The following INPP5D variants were observed in gnomAD, a reference collection of about 807,000 sequenced individuals.
The protein encoded by INPP5D is phosphatidylinositol 3,4,5-trisphosphate 5-phosphatase 1.
INPP5D carries 33 observed loss-of-function variants against 122.9 expected under a neutral mutation model. That is an observed-to-expected ratio of 0.27 (90% CI 0.20 to 0.36). The LOEUF (loss-of-function observed/expected upper bound fraction) is 0.36, where lower values mean the gene tolerates loss of function less well. INPP5D is among the 10% of genes least tolerant of loss of function. INPP5D has a pLI of 1.00. For synonymous variants in INPP5D, 584 were observed against 576.2 expected, an observed-to-expected ratio of 1.01 and a Z score of -0.19; for missense variants, 1,053 against 1,412.7, an observed-to-expected ratio of 0.75 and a Z score of 4.08.
intron 13 of INPP5D, among the ~76,000 whole-genome samples, chr2:233,165,641 TGTGA>T (rs1249937419): frequency 6.6e-6 from 1 of 152,020 alleles, no homozygotes; most frequent in East Asian, 1.9e-4. Context: ...TCTATGAGTG[TGTGA>T]GAGTCCATGC....
intron 5 of INPP5D, among the ~76,000 whole-genome samples, chr2:233,131,714 A>C (rs1693333170): frequency 6.6e-6 from 1 of 152,120 alleles, no homozygotes; most frequent in Non-Finnish European, 1.5e-5. Context: ...AAACAAACAA[A>C]CAAAGGAAAG....
chr2:233,182,599 G>C, intron 19 of INPP5D, 100 bp downstream of exon 19: 1 of 1,537,186 alleles, frequency 6.5e-7, no homozygotes, highest in Non-Finnish European at 8.8e-7. Flanking sequence ...TTAGAGGAAG[G>C]CTCATTTTCC....
chr2:233,108,318 T>C (rs1325340486), intron 2 of INPP5D, among the ~76,000 whole-genome samples: 1 of 152,204 alleles, frequency 6.6e-6, no homozygotes, highest in African/African-American at 2.4e-5. Flanking sequence ...CATCTGGAAA[T>C]GTCCCCTGGG....
chr2:233,087,262 C>T (rs1691877313), intron 2 of INPP5D, among the ~76,000 whole-genome samples: 2 of 152,114 alleles, frequency 1.3e-5, no homozygotes, highest in African/African-American at 4.8e-5. Flanking sequence ...CTCTTTAACC[C>T]CTTACCCTCC....
intron 6 of INPP5D, among the ~76,000 whole-genome samples, chr2:233,145,435 C>A (rs1320683494): frequency 6.6e-6 from 1 of 152,216 alleles, no homozygotes; most frequent in African/African-American, 2.4e-5. Flanking sequence ...GCAGGGAAGA[C>A]AAACAATGAA....
intron 2 of INPP5D, among the ~76,000 whole-genome samples, chr2:233,104,189 T>A (rs540845121): frequency 1.3e-5 from 2 of 151,650 alleles, no homozygotes; most frequent in South Asian, 4.2e-4. Flanking sequence ...TTTTGTATTT[T>A]TAGTAGAGAT....
At chr2:233,159,534 C>CAAA (rs1559325530) in intron 10 of INPP5D, among the ~76,000 whole-genome samples, 1 of 88,208 alleles carries the variant, frequency 1.1e-5, no homozygotes, top group Admixed American at 1.1e-4. Flanking sequence ...CTCATCTCTA[C>CAAA]GAAAAAAAAA....
At position 233,204,472 on chromosome 2, in the gene INPP5D, ACCCCGGTCAGCTCCCAGG is replaced by A. The variant is rs1695429222; in HGVS notation, c.3330_3347del (p.Ser1111_Val1116del). 3 of 1,588,846 alleles carry A rather than the reference ACCCCGGTCAGCTCCCAGG, an allele frequency of 1.9e-6. No homozygotes were observed. The highest frequency in any genetic ancestry group is 3.6e-5 in the Admixed American group (2 of 56,182). ...GGACAAGAGCCAAGGGAAGCCCAAG[ACCCCGGTCAGCTCCCAGG>A]CCCCGGTGCCGGCCAAGAGGCCCAT... On this transcript the variant is annotated inframe_deletion, in exon 26 of 27. Transcript: ENST00000445964.
Position 233,164,024 on chromosome 2 carries a change from C to T in INPP5D, c.1437+121C>T, listed in dbSNP as rs2106295567. The T allele has an allele frequency of 1.4e-6, 2 of 1,449,612 alleles. No individual in the cohort carries two copies. Among genetic ancestry groups the T allele is most frequent in the Non-Finnish European group, 1.8e-6 (2 of 1,098,270 alleles). 89.8% of individuals were successfully genotyped at this position (1,449,612 alleles called of 1,614,324 possible). A position where few individuals can be genotyped will look rare whatever the true frequency, so the allele number is the denominator to read the frequency against. On this transcript the variant is annotated intron_variant, in intron 12 of 26. Coordinates refer to ENST00000445964, the MANE Select transcript of INPP5D (RefSeq NM_001017915.3). This position sits in a 1 kb window ranked among gnomAD's most constrained non-coding sequence, Gnocchi z 4.3. ...CTCAGTTTTCAAGGATGTCTGGAGG[C>T]CCCCACTGAGAGATGCGTCTGTATT...
intron 17 of INPP5D, 142 bp downstream of exon 17, chr2:233,171,294 G>A: frequency 1.5e-6 from 2 of 1,312,996 alleles, no homozygotes; most frequent in Non-Finnish European, 2.0e-6. Flanking sequence ...ATGTTGATTT[G>A]TGTTACAGAG....
intron 5 of INPP5D, among the ~76,000 whole-genome samples, chr2:233,139,466 C>CTGTG (rs1191977468): frequency 0.043 from 6,345 of 147,482 alleles, 202 homozygotes; most frequent in African/African-American, 0.087. Context: ...TTGTTAACAC[C>CTGTG]TGTGTGTGTG....
intron 1 of INPP5D, among the ~76,000 whole-genome samples, chr2:233,069,348 A>G (rs1691316095): frequency 6.6e-6 from 1 of 152,204 alleles, no homozygotes; most frequent in Non-Finnish European, 1.5e-5. Flanking sequence ...TGTTCTTTAG[A>G]GTCACTTTAA....
Position 233,139,853 on chromosome 2 carries a change from G to T in INPP5D, c.677G>T (p.Arg226Leu). 2.5e-6 allele frequency: 1 copy of T among 398,752 alleles called. No homozygotes were observed. Among genetic ancestry groups the T allele is most frequent in the Non-Finnish European group, 4.4e-6 (1 of 226,212 alleles). The allele number at this position is 398,752 out of a possible 1,614,324, so 24.7% of individuals were successfully genotyped here. ...LCKELYGEVI[R>L]TLPSLESLQR... ...TCCCCTGCCCCCAGAGAAGTCATCC[G>T]GACCCTCCCATCCCTGGAGTCTCTG... Residue 226 changes from arginine to leucine, a missense_variant, in exon 6 of 27, where the codon CGG (arginine) becomes CTG (leucine). Arg to Leu is a moderately radical substitution (Grantham distance 102, BLOSUM62 -2). Transcript: ENST00000445964.
At chr2:233,076,095 T>C (rs1691512750) in intron 1 of INPP5D, among the ~76,000 whole-genome samples, 1 of 152,212 alleles carries the variant, frequency 6.6e-6, no homozygotes, top group Non-Finnish European at 1.5e-5. Flanking sequence ...GATTATGTTC[T>C]TTCTCTCTGT....
In INPP5D at chr2:233,087,900, C is replaced by T. The variant is rs538552359; in HGVS notation, c.198+8502C>T. ...TGGTCAACTTCCTCTGCATTCGAGA[C>T]GGGTTCTCTTTTCTGGACTCAGTTC... On this transcript the variant is annotated intron_variant, in intron 2 of 26. Coordinates refer to ENST00000445964, the MANE Select transcript of INPP5D (RefSeq NM_001017915.3). 1.1e-4 allele frequency among the ~76,000 whole-genome samples: 16 copies of T among 152,254 alleles called. No homozygotes were observed. In the East Asian group the frequency reaches 1.9e-3, roughly 18 times the overall value.
chr2:233,099,896 G>A (rs918850549), intron 2 of INPP5D, among the ~76,000 whole-genome samples: 1 of 152,170 alleles, frequency 6.6e-6, no homozygotes, highest in East Asian at 1.9e-4. Context: ...GGCTGGGGAG[G>A]CCTTACAATC....
At chr2:233,087,295 T>G (rs981066735) in intron 2 of INPP5D, among the ~76,000 whole-genome samples, 2 of 152,090 alleles carry the variant, frequency 1.3e-5, no homozygotes, top group African/African-American at 2.4e-5. Flanking sequence ...GTGGCACTTG[T>G]GACTACCTGA....
chr2:233,167,619 C>A (rs1223947626), intron 13 of INPP5D, among the ~76,000 whole-genome samples: 1 of 152,168 alleles, frequency 6.6e-6, no homozygotes, highest in Non-Finnish European at 1.5e-5. Context: ...GGGCAGAAAG[C>A]CTGTGTACTC....
At chr2:233,192,980 C>A (rs370461663) in intron 22 of INPP5D, among the ~76,000 whole-genome samples, 17 of 152,190 alleles carry the variant, frequency 1.1e-4, no homozygotes, top group African/African-American at 4.1e-4. Flanking sequence ...CTCCGCTTCC[C>A]AGATTCAAGA....
Sources: gnomAD v4.1 joint callset for allele counts (sites outside exome capture counted in the v4.1 genomes callset) on GRCh38, gnomAD v4.1.1 for gene constraint, Gnocchi (gnomAD v3.1) non-coding constraint, MANE v1.5 for transcripts, NCBI Gene and HGNC (gene_info 2026-07-23, HGNC 2026-07-21) for gene names.